PCDH11X: variants seen among roughly 807,000 people sequenced by gnomAD.
PCDH11X encodes protocadherin 11 X-linked.
Under a neutral mutation model 53.3 loss-of-function variants are expected in PCDH11X, and 18 were observed. That is an observed-to-expected ratio of 0.34 (90% CI 0.23 to 0.50). PCDH11X has a LOEUF of 0.50. Among genes scored for constraint, PCDH11X ranks in the 20% least tolerant of loss-of-function variants. The pLI is 0.98. For synonymous variants in PCDH11X, 279 were observed against 393.3 expected (o/e 0.71, Z 3.44); for missense variants, 570 against 1,032.4 (o/e 0.55, Z 6.14).
At chrX:91,803,442 A>T (rs1292012729) in intron 1 of PCDH11X, among the ~76,000 whole-genome samples, 3 of 111,267 alleles carry the variant, frequency 2.7e-5, no homozygotes, top group Non-Finnish European at 3.8e-5. Flanking sequence ...CTAGATTCTG[A>T]TTCCAAAACT....
At position 91,967,612 on chromosome X, in the gene PCDH11X, TAGG is replaced by T. The variant is rs1473480276; in HGVS notation, c.3033+88342_3033+88344del. Among the ~76,000 whole-genome samples the T allele has an allele frequency of 5.5e-5, 6 of 108,653 alleles. No homozygotes were observed. In the East Asian group the frequency reaches 1.8e-3, roughly 32 times the overall value. 94.4% of individuals were successfully genotyped at this position (108,653 alleles called of 115,157 possible). On this transcript the variant is annotated intron_variant, in intron 6 of 10. Transcript: ENST00000682573. ...CCAAAAAGGTTGGGGACCACTGTGG[TAGG>T]AGAAGGAGATAAGCAGAAATATTTC...
At chrX:91,891,570 C>T (rs1405647315) in intron 6 of PCDH11X, among the ~76,000 whole-genome samples, 4 of 100,846 alleles carry the variant, frequency 4.0e-5, no homozygotes, top group Non-Finnish European at 5.9e-5. Context: ...GTTTTAGTTT[C>T]GTGCGTTTTA....
chrX:92,104,319 AAGATT>A lies in PCDH11X; in HGVS notation c.3034-97052_3034-97048del, dbSNP rs1210423955. On this transcript the variant is annotated intron_variant, in intron 6 of 10. Transcript: ENST00000682573. ...AGGTCAGATGGGTCTGTAGAAAAGG[AAGATT>A]AGAAAGACTCAGCGACACTTGGGGT... 2.4e-4 allele frequency among the ~76,000 whole-genome samples: 26 copies of A among 109,798 alleles called. No individual in the cohort carries two copies. In the South Asian group the frequency reaches 0.011, roughly 45 times the overall value.
chrX:92,492,387 C>G (rs1249709278), intron 10 of PCDH11X, among the ~76,000 whole-genome samples: 1 of 111,841 alleles, frequency 8.9e-6, no homozygotes, highest in Admixed American at 9.5e-5. Flanking sequence ...TTTGCATTTT[C>G]CAGCATAACA....
chrX:92,289,091 C>T (rs111594710), intron 8 of PCDH11X, among the ~76,000 whole-genome samples: 5,093 of 111,292 alleles, frequency 0.046, 245 homozygotes, highest in African/African-American at 0.15. Context: ...CAACTTCACC[C>T]GTTTCAATTT....
intron 6 of PCDH11X, among the ~76,000 whole-genome samples, chrX:91,950,141 CTTTAA>C (rs2061621445): frequency 9.2e-6 from 1 of 109,175 alleles, no homozygotes. Flanking sequence ...TATTGTCATT[CTTTAA>C]TTTAATTTTA....
rs1462765032 is a variant in PCDH11X, at chrX:91,835,731, G to A, written c.227G>A (p.Arg76Gln). 3.3e-6 allele frequency: 4 copies of A among 1,211,130 alleles called. No individual in the cohort carries two copies. The highest frequency in any genetic ancestry group is 3.5e-5 in the South Asian group (2 of 56,955). The change falls in exon 5 of 11, where the codon CGA (arginine) becomes CAA (glutamine). Residue 76 changes from arginine to glutamine, a missense_variant. Around this residue, in one of 6 missense-constraint regions of PCDH11X, gnomAD observed 84 missense variants for 142.0 expected, o/e 0.59. Coordinates refer to ENST00000682573, the MANE Select transcript of PCDH11X (RefSeq NM_032968.5). Reference sequence around the variant, plus strand: ...AAGACCGGAGATGTGCCACTGATTCGAATTGAAGAGGATACTGGTGAGATC... The same window carrying A: ...AAGACCGGAGATGTGCCACTGATTCAAATTGAAGAGGATACTGGTGAGATC... Reference protein sequence around the residue: ...VYKTGDVPLIRIEEDTGEIFT... With the variant: ...VYKTGDVPLIQIEEDTGEIFT...
chrX:92,104,093 G>A (rs1397341119), intron 6 of PCDH11X, among the ~76,000 whole-genome samples: 2 of 111,427 alleles, frequency 1.8e-5, no homozygotes, highest in African/African-American at 6.5e-5. Flanking sequence ...TAAAGAAAAA[G>A]GAGCATTAAC....
At chrX:92,000,599 T>G (rs2147960711) in intron 6 of PCDH11X, among the ~76,000 whole-genome samples, 1 of 109,204 alleles carries the variant, frequency 9.2e-6, no homozygotes, top group East Asian at 2.9e-4. Flanking sequence ...AATTTTAAGT[T>G]ATTTTAAAAT....
At chrX:92,295,264 T>C (rs2068582680) in intron 8 of PCDH11X, among the ~76,000 whole-genome samples, 1 of 110,612 alleles carries the variant, frequency 9.0e-6, no homozygotes, top group East Asian at 2.9e-4. Context: ...ATATGTGTTA[T>C]TTATATTGGT....
chrX:92,321,195 T>G (rs78038435), intron 8 of PCDH11X, among the ~76,000 whole-genome samples: 1 of 68,746 alleles, frequency 1.5e-5, no homozygotes, highest in African/African-American at 7.5e-5. Context: ...TTTTTTTTTG[T>G]TTTTTTTTTT....
At chrX:92,045,919 A>G (rs926511363) in intron 6 of PCDH11X, among the ~76,000 whole-genome samples, 1 of 104,217 alleles carries the variant, frequency 9.6e-6, no homozygotes, top group African/African-American at 3.6e-5. Context: ...AGCCTGAGCA[A>G]CAGAGCGAGA....
intron 6 of PCDH11X, among the ~76,000 whole-genome samples, chrX:92,140,801 A>G (rs2148215604): frequency 9.0e-6 from 1 of 111,505 alleles, no homozygotes; most frequent in Non-Finnish European, 1.9e-5. Context: ...GTGTTAGAAT[A>G]TAAGTGGCTT....
intron 6 of PCDH11X, among the ~76,000 whole-genome samples, chrX:91,949,038 GA>G (rs756160732): frequency 9.1e-6 from 1 of 110,445 alleles, no homozygotes; most frequent in Non-Finnish European, 1.9e-5. Flanking sequence ...GCCTGAATAA[GA>G]GAGAGTATTT....
intron 8 of PCDH11X, among the ~76,000 whole-genome samples, chrX:92,317,903 C>T (rs1203914799): frequency 9.0e-6 from 1 of 110,970 alleles, no homozygotes; most frequent in Non-Finnish European, 1.9e-5. Context: ...CTTAAAAGAC[C>T]TCAACATACA....
At chrX:91,890,401 A>G (rs895898168) in intron 6 of PCDH11X, among the ~76,000 whole-genome samples, 6 of 110,398 alleles carry the variant, frequency 5.4e-5, no homozygotes, top group African/African-American at 2.0e-4. Context: ...AATCCTTGTC[A>G]TATCCAGTAC....
At position 92,107,526 on chromosome X, in the gene PCDH11X, C is replaced by T. The variant is rs186597605; in HGVS notation, c.3034-93849C>T. ...CAGAGGCGGGCTGATCACCTGAAGTCGGGAGTTCTAGACCAGCCTGACCAA... is the reference window on the plus strand; with the variant it reads ...CAGAGGCGGGCTGATCACCTGAAGTTGGGAGTTCTAGACCAGCCTGACCAA... On this transcript the variant is annotated intron_variant, in intron 6 of 10. Coordinates refer to ENST00000682573, the MANE Select transcript of PCDH11X (RefSeq NM_032968.5). 2.5e-3 allele frequency among the ~76,000 whole-genome samples: 283 copies of T among 111,666 alleles called. 1 individual carries two copies. Among genetic ancestry groups the T allele is most frequent in the Non-Finnish European group, 4.6e-3 (242 of 53,147 alleles).
chrX:92,459,101 G>T (rs1183684823), intron 9 of PCDH11X, among the ~76,000 whole-genome samples: 1 of 92,162 alleles, frequency 1.1e-5, no homozygotes, highest in Non-Finnish European at 2.2e-5. Context: ...TCTCATTGTA[G>T]TTTTGATTGG....
intron 10 of PCDH11X, among the ~76,000 whole-genome samples, chrX:92,597,631 C>G (rs1925777354): frequency 9.0e-6 from 1 of 110,624 alleles, no homozygotes; most frequent in Non-Finnish European, 1.9e-5. Context: ...TAATGTAATC[C>G]CTATCAAAAT....
Sources: gnomAD v4.1 joint callset for allele counts (sites outside exome capture counted in the v4.1 genomes callset) on GRCh38, gnomAD v4.1.1 for gene constraint, gnomAD v4.1.1 regional missense constraint, MANE v1.5 for transcripts, NCBI Gene and HGNC (gene_info 2026-07-23, HGNC 2026-07-21) for gene names.